Variants in SYT14 observed in about 807,000 individuals in gnomAD.
The protein encoded by SYT14 is synaptotagmin-14.
SYT14 carries 32 observed loss-of-function variants against 74.2 expected under a neutral mutation model. That is an observed-to-expected ratio of 0.43 (90% CI 0.33 to 0.58). SYT14 has a LOEUF of 0.58. Among genes scored for constraint, SYT14 ranks in the 20% least tolerant of loss-of-function variants. The probability of loss-of-function intolerance (pLI) is 0.05; values close to 1 mark genes in which losing one functional copy is unlikely to be tolerated. For missense variants in SYT14, 791 were observed against 981.8 expected (o/e 0.81, Z 2.60); for synonymous variants, 298 against 337.7 (o/e 0.88, Z 1.29).
chr1:210,000,244 T>C (rs1282405850), intron 2 of SYT14, among the ~76,000 whole-genome samples: 1 of 152,188 alleles, frequency 6.6e-6, no homozygotes, highest in Non-Finnish European at 1.5e-5. Context: ...ATCCTGACTC[T>C]GCCACTTACG....
chr1:210,017,108 TC>T (rs1265761762), intron 4 of SYT14: 1 of 1,229,280 alleles, frequency 8.1e-7, no homozygotes, highest in East Asian at 3.2e-5. Flanking sequence ...AGGTGAGGTC[TC>T]CTAATGTTGG....
chr1:210,104,851 C>T (rs531389598), intron 7 of SYT14, among the ~76,000 whole-genome samples: 1 of 152,254 alleles, frequency 6.6e-6, no homozygotes, highest in East Asian at 1.9e-4. Context: ...GGACAATTCT[C>T]AGAATATAGG....
At chr1:209,954,654 A>G (rs548796859) in intron 2 of SYT14, among the ~76,000 whole-genome samples, 1 of 152,002 alleles carries the variant, frequency 6.6e-6, no homozygotes, top group African/African-American at 2.4e-5. Flanking sequence ...AGTATCAATG[A>G]TTATTCTAAT....
chr1:210,094,339 A>G lies in SYT14; in HGVS notation c.1330A>G (p.Met444Val), dbSNP rs1321016384. 1.9e-6 allele frequency: 3 copies of G among 1,613,886 alleles called. No individual in the cohort carries two copies. In the South Asian group the frequency reaches 3.3e-5, roughly 18 times the overall value. The change falls in exon 6 of 10, where the codon ATG (methionine) becomes GTG (valine). Residue 444 changes from methionine to valine, a missense_variant. Transcript: ENST00000637265. Reference sequence around the variant, plus strand: ...ATTATCAGGAAACTGCATTCAGAGAATGAGAAGAACACCCCCGCTGGATGA... The same window carrying G: ...ATTATCAGGAAACTGCATTCAGAGAGTGAGAAGAACACCCCCGCTGGATGA...
intron 2 of SYT14, among the ~76,000 whole-genome samples, chr1:209,995,543 A>G (rs767708894): frequency 6.6e-6 from 1 of 152,174 alleles, no homozygotes. Flanking sequence ...ATAGGGTGAG[A>G]CTTCAACACC....
chr1:209,997,303 C>G (rs1425270918), intron 2 of SYT14, among the ~76,000 whole-genome samples: 6 of 152,036 alleles, frequency 3.9e-5, no homozygotes, highest in Admixed American at 1.3e-4. Context: ...GTACAAAAAT[C>G]AGTAGCATTT....
intron 2 of SYT14, among the ~76,000 whole-genome samples, chr1:210,001,073 A>T (rs1240695795): frequency 6.6e-6 from 1 of 152,192 alleles, no homozygotes; most frequent in Non-Finnish European, 1.5e-5. Flanking sequence ...GTTGTTTTGA[A>T]TCCAGGGCAT....
At chr1:210,005,032 G>C (rs187572591) in intron 2 of SYT14, among the ~76,000 whole-genome samples, 1 of 151,836 alleles carries the variant, frequency 6.6e-6, no homozygotes, top group Non-Finnish European at 1.5e-5. Flanking sequence ...GAACTATGCC[G>C]GACTCATTTA....
intron 5 of SYT14, among the ~76,000 whole-genome samples, chr1:210,054,939 G>A (rs1167133683): frequency 6.6e-6 from 1 of 152,102 alleles, no homozygotes; most frequent in Admixed American, 6.5e-5. Flanking sequence ...ATTCTTGGGT[G>A]CCTATTATAG....
At chr1:209,993,601 G>A (rs781194747) in intron 2 of SYT14, among the ~76,000 whole-genome samples, 5 of 152,148 alleles carry the variant, frequency 3.3e-5, no homozygotes, top group Non-Finnish European at 5.9e-5. Flanking sequence ...CTTAAACAGG[G>A]CCTGTCCAGA....
At chr1:209,938,319 C>T in intron 1 of SYT14, 42 bp downstream of exon 1, 1 of 1,538,882 alleles carries the variant, frequency 6.5e-7, no homozygotes, top group Non-Finnish European at 8.8e-7. Context: ...CCGGGACCAC[C>T]CAGCTGGCGG....
At chr1:210,135,961 C>T (rs1446304591) in intron 7 of SYT14, among the ~76,000 whole-genome samples, 5 of 152,158 alleles carry the variant, frequency 3.3e-5, no homozygotes, top group Non-Finnish European at 7.3e-5. Context: ...TGCTTGATTC[C>T]TTCCAGCACT....
chr1:210,079,846 C>T (rs2081586735), intron 5 of SYT14, among the ~76,000 whole-genome samples: 1 of 152,156 alleles, frequency 6.6e-6, no homozygotes, highest in Admixed American at 6.5e-5. Context: ...TGGAATCTGG[C>T]AGTCTCCAAA....
chr1:210,157,357 G>A (rs997495704), intron 8 of SYT14, among the ~76,000 whole-genome samples: 5 of 151,650 alleles, frequency 3.3e-5, no homozygotes, highest in South Asian at 2.1e-4. Context: ...TGGAAGGATC[G>A]CTTGAGCCAG....
intron 2 of SYT14, among the ~76,000 whole-genome samples, chr1:209,959,229 G>A (rs747983894): frequency 3.9e-5 from 6 of 152,078 alleles, no homozygotes; most frequent in East Asian, 1.9e-4. Flanking sequence ...TACAACCTCC[G>A]CCTCCTGGGT....
intron 1 of SYT14, among the ~76,000 whole-genome samples, chr1:209,943,490 C>T (rs1036260377): frequency 9.9e-6 from 1 of 100,888 alleles, no homozygotes; most frequent in African/African-American, 3.9e-5. Context: ...GCCTGGACAA[C>T]AGAGCGAGAT....
intron 5 of SYT14, among the ~76,000 whole-genome samples, chr1:210,061,966 G>C (rs541350777): frequency 6.6e-6 from 1 of 151,552 alleles, no homozygotes; most frequent in East Asian, 1.9e-4. Flanking sequence ...TTTTTCAATA[G>C]TGTAAAGATC....
intron 2 of SYT14, among the ~76,000 whole-genome samples, chr1:209,988,405 A>C (rs2079607967): frequency 6.6e-6 from 1 of 151,702 alleles, no homozygotes; most frequent in South Asian, 2.1e-4. Context: ...AATTTTATCA[A>C]TTTTCTGAGT....
At chr1:210,153,063 G>T (rs1000948159) in intron 7 of SYT14, among the ~76,000 whole-genome samples, 9 of 152,070 alleles carry the variant, frequency 5.9e-5, no homozygotes, top group East Asian at 3.9e-4. Flanking sequence ...GAGTAATGCT[G>T]CTATGGACAT....
Sources: gnomAD v4.1 joint callset for allele counts (sites outside exome capture counted in the v4.1 genomes callset) on GRCh38, gnomAD v4.1.1 for gene constraint, MANE v1.5 for transcripts, NCBI Gene and HGNC (gene_info 2026-07-23, HGNC 2026-07-21) for gene names.